Variants in PRSS55 observed in about 807,000 individuals in gnomAD.
PRSS55 encodes probable serine protease UNQ9391/PRO34284.
In PRSS55, 41 loss-of-function variants were observed where a neutral mutation model predicts 23.6. The ratio of observed to expected loss-of-function variants is 1.74; its 90% CI spans 1.35 to 2.26. PRSS55 has a LOEUF of 2.26. Ranked by LOEUF, PRSS55 falls within the 30% of genes most tolerant of loss-of-function variation. PRSS55 has a pLI of 0.00. For missense variants in PRSS55, 669 were observed against 439.1 expected, an observed-to-expected ratio of 1.52 and a Z score of -4.68; for synonymous variants, 262 against 175.5, an observed-to-expected ratio of 1.49 and a Z score of -3.90.
chr8:10,538,358 G>A, intron 4 of PRSS55, 118 bp from the exon 5 acceptor site: 2 of 757,178 alleles, frequency 2.6e-6, no homozygotes, highest in Non-Finnish European at 4.3e-6. Flanking sequence ...GCAGGGATGG[G>A]GTGGGTTGGC....
intron 2 of PRSS55, among the ~76,000 whole-genome samples, chr8:10,530,730 C>A (rs941913174): frequency 6.6e-6 from 1 of 152,054 alleles, no homozygotes. Context: ...ATCAAAAACC[C>A]GGGGACAGTT....
downstream of PRSS55, among the ~76,000 whole-genome samples, chr8:10,542,114 T>C (rs746932404): frequency 1.3e-5 from 2 of 152,172 alleles, no homozygotes; most frequent in Non-Finnish European, 2.9e-5. Context: ...TGTCATGATA[T>C]GGAAATTGTC....
chr8:10,538,231 G>T (rs4469414), intron 4 of PRSS55, among the ~76,000 whole-genome samples: 108,672 of 151,346 alleles, frequency 0.72, 39,085 homozygotes, highest in African/African-American at 0.78. Context: ...TCTTACCAAG[G>T]CTTCCCCCTT....
chr8:10,551,231 C>T (rs1438365084), intron 4 of PRSS55, among the ~76,000 whole-genome samples: 2 of 152,200 alleles, frequency 1.3e-5, no homozygotes, highest in African/African-American at 4.8e-5. Context: ...GCACACAGGA[C>T]TTCTTACTGA....
intron 1 of PRSS55, among the ~76,000 whole-genome samples, chr8:10,527,551 G>A (rs530986234): frequency 6.6e-6 from 1 of 152,366 alleles, no homozygotes; most frequent in East Asian, 1.9e-4. Flanking sequence ...CACAGGTCAG[G>A]GAAGGCCACT....
chr8:10,535,254 A>G (rs1812415197), intron 4 of PRSS55, among the ~76,000 whole-genome samples: 1 of 152,272 alleles, frequency 6.6e-6, no homozygotes, highest in African/African-American at 2.4e-5. Context: ...GAGCCCAAGT[A>G]GCCAAGGCAA....
At chr8:10,534,181 C>A (rs544777951) in intron 4 of PRSS55, among the ~76,000 whole-genome samples, 1 of 152,106 alleles carries the variant, frequency 6.6e-6, no homozygotes, top group African/African-American at 2.4e-5. Flanking sequence ...CCAGACAAGA[C>A]GGAGTAAACA....
chr8:10,540,079 C>G (rs1231313397), downstream of PRSS55, among the ~76,000 whole-genome samples: 3 of 152,220 alleles, frequency 2.0e-5, no homozygotes, highest in African/African-American at 7.2e-5. Flanking sequence ...TGACCTCCCT[C>G]CATGGCTCAG....
Position 10,525,647 on chromosome 8 carries a change from G to C in PRSS55, c.62G>C (p.Arg21Pro). Residue 21 changes from arginine to proline, a missense_variant, in exon 1 of 5, where the codon CGG (arginine) becomes CCG (proline). Arg to Pro is a moderately radical substitution (Grantham distance 103, BLOSUM62 -2). Transcript: ENST00000328655. The part of the protein sequence containing the change: ...SLVTGTQLGP[R>P]TPLPEAGVAI... ...GTCACGGGAACTCAGCTCGGTCCAC[G>C]GACTCCTCTCCCAGAGGCTGGAGTG... 6.2e-7 allele frequency: 1 copy of C among 1,614,112 alleles called. No individual in the cohort carries two copies. The highest frequency in any genetic ancestry group is 1.1e-5 in the South Asian group (1 of 91,074).
downstream of PRSS55, chr8:10,541,527 G>A (rs969948720): frequency 5.3e-5 from 8 of 152,146 alleles, no homozygotes; most frequent in African/African-American, 1.2e-4. Context: ...CCACACCCCA[G>A]GTTTGAGCTT....
At chr8:10,552,152 ATCTTTC>A (rs1253177448) in intron 4 of PRSS55, among the ~76,000 whole-genome samples, 2 of 152,246 alleles carry the variant, frequency 1.3e-5, no homozygotes, top group African/African-American at 4.8e-5. Flanking sequence ...GAACCTCCTC[ATCTTTC>A]TCTTAGAACA....
downstream of PRSS55, among the ~76,000 whole-genome samples, chr8:10,543,468 C>CTTTTTT (rs59387702): frequency 3.8e-5 from 4 of 104,244 alleles, no homozygotes; most frequent in Non-Finnish European, 7.6e-5. Flanking sequence ...TCCTTCCTTT[C>CTTTTTT]TTTCTTTCTC....
chr8:10,530,227 C>G (rs1358488369), intron 2 of PRSS55, among the ~76,000 whole-genome samples: 4 of 152,188 alleles, frequency 2.6e-5, no homozygotes, highest in African/African-American at 9.7e-5. Flanking sequence ...CCCAGCACTT[C>G]GGGAGGCTGA....
chr8:10,537,115 C>G (rs775480497), intron 4 of PRSS55, among the ~76,000 whole-genome samples: 5 of 152,124 alleles, frequency 3.3e-5, no homozygotes, highest in African/African-American at 4.8e-5. Flanking sequence ...ATCCAGCAAC[C>G]CCACTTCTGG....
At chr8:10,538,333 T>C (rs1812527129) in intron 4 of PRSS55, 143 bp from the exon 5 acceptor site, 1 of 659,234 alleles carries the variant, frequency 1.5e-6, no homozygotes, top group Non-Finnish European at 2.6e-6. Context: ...GGCAGCCACA[T>C]GCTTCTCCCG....
downstream of PRSS55, chr8:10,541,266 C>G (rs925353566): frequency 2.6e-5 from 4 of 152,372 alleles, no homozygotes; most frequent in Non-Finnish European, 4.4e-5. Context: ...TGGAGGGGAT[C>G]TGTGGATGAG....
At chr8:10,544,452 T>C (rs1812762205) in intron 4 of PRSS55, among the ~76,000 whole-genome samples, 1 of 152,224 alleles carries the variant, frequency 6.6e-6, no homozygotes, top group African/African-American at 2.4e-5. Flanking sequence ...AACTTGTTTG[T>C]TTATCCAGTC....
rs1245345867 is a variant in PRSS55 at position 10,529,648 on chromosome 8, A to G, written c.296A>G (p.Asn99Ser). ...SEPFCGGSIL[N>S]KWWILTAAHC... Reference sequence around the variant, plus strand: ...CCTTTCTGTGGCGGCTCCATCCTCAACAAGTGGTGGATTCTCACTGCGGCT... The same window carrying G: ...CCTTTCTGTGGCGGCTCCATCCTCAGCAAGTGGTGGATTCTCACTGCGGCT... Residue 99 changes from asparagine (N) to serine (S), a missense_variant, in exon 2 of 5, where the codon AAC becomes AGC. Coordinates refer to ENST00000328655, the MANE Select transcript of PRSS55 (RefSeq NM_198464.4). 1.9e-6 allele frequency: 3 copies of G among 1,614,218 alleles called. No homozygotes were observed. Among genetic ancestry groups the G allele is most frequent in the South Asian group, 1.1e-5 (1 of 91,080 alleles).
chr8:10,545,026 G>A, intron 4 of PRSS55: 10 of 985,142 alleles, frequency 1.0e-5, no homozygotes, highest in Non-Finnish European at 1.2e-5. Context: ...ACAGGACATG[G>A]TGGCCTGCAC....
Sources: gnomAD v4.1 joint callset for allele counts (sites outside exome capture counted in the v4.1 genomes callset) on GRCh38, gnomAD v4.1.1 for gene constraint, MANE v1.5 for transcripts, NCBI Gene and HGNC (gene_info 2026-07-23, HGNC 2026-07-21) for gene names.